MAGI1: variants seen among roughly 807,000 people sequenced by gnomAD.
MAGI1 encodes the protein membrane-associated guanylate kinase, WW and PDZ domain-containing protein 1.
In MAGI1, 58 loss-of-function variants were observed where a neutral mutation model predicts 139.9. The ratio of observed to expected loss-of-function variants is 0.41; its 90% confidence interval spans 0.34 to 0.52. MAGI1 has a LOEUF of 0.52. Ranked by LOEUF, MAGI1 falls within the 20% of genes least tolerant of loss-of-function variation. The pLI, the probability that MAGI1 is intolerant of heterozygous loss-of-function variation, is 0.12. For synonymous variants in MAGI1, 812 were observed against 737.9 expected (o/e 1.10, Z -1.63); for missense variants, 1,874 against 1,901.6 (o/e 0.99, Z 0.27).
chr3:65,867,914 G>T (rs1156433820), intron 1 of MAGI1, among the ~76,000 whole-genome samples: 2 of 152,162 alleles, frequency 1.3e-5, no homozygotes, highest in Non-Finnish European at 2.9e-5. Context: ...CGTCAGGTCT[G>T]AGGAGGATGG....
intron 1 of MAGI1, among the ~76,000 whole-genome samples, chr3:65,779,312 T>G (rs1438932713): frequency 6.6e-6 from 1 of 152,166 alleles, no homozygotes; most frequent in African/African-American, 2.4e-5. Context: ...AATAGAATAT[T>G]CTGGTCTCAA....
At chr3:65,760,924 G>A (rs1168811136) in intron 1 of MAGI1, among the ~76,000 whole-genome samples, 1 of 152,202 alleles carries the variant, frequency 6.6e-6, no homozygotes, top group Non-Finnish European at 1.5e-5. Context: ...ACACTTCTTT[G>A]AAACAAGGGG....
chr3:65,984,041 C>T (rs2065738797), intron 1 of MAGI1, among the ~76,000 whole-genome samples: 1 of 152,170 alleles, frequency 6.6e-6, no homozygotes, highest in African/African-American at 2.4e-5. Flanking sequence ...GCCTGTAATT[C>T]CCAACACTTT....
At chr3:65,730,775 T>C (rs565087791) in intron 1 of MAGI1, among the ~76,000 whole-genome samples, 2 of 152,282 alleles carry the variant, frequency 1.3e-5, no homozygotes, top group East Asian at 1.9e-4. Context: ...AATGAATAAA[T>C]GGTCACTAAA....
chr3:65,603,376 G>A (rs1213381813), intron 2 of MAGI1, among the ~76,000 whole-genome samples: 1 of 152,076 alleles, frequency 6.6e-6, no homozygotes, highest in Non-Finnish European at 1.5e-5. Context: ...GGTCAAAGGG[G>A]ACAATGAAAT....
chr3:65,664,770 T>C (rs1292642898), intron 1 of MAGI1, among the ~76,000 whole-genome samples: 2 of 152,208 alleles, frequency 1.3e-5, no homozygotes, highest in Non-Finnish European at 2.9e-5. Context: ...TGGCCTGTCC[T>C]TCTGTTTCAG....
At chr3:65,407,878 C>T (rs929475678) in intron 12 of MAGI1, among the ~76,000 whole-genome samples, 12 of 152,172 alleles carry the variant, frequency 7.9e-5, no homozygotes, top group Admixed American at 2.0e-4. Flanking sequence ...CTGGCCTTAG[C>T]GCAGTGCTAG....
At chr3:66,022,480 A>G (rs2068017850) in intron 1 of MAGI1, among the ~76,000 whole-genome samples, 1 of 152,228 alleles carries the variant, frequency 6.6e-6, no homozygotes, top group African/African-American at 2.4e-5. Flanking sequence ...AAGAAAAATA[A>G]ATTTATAGGG....
At chr3:65,887,422 G>A (rs1184695788) in intron 1 of MAGI1, among the ~76,000 whole-genome samples, 1 of 150,320 alleles carries the variant, frequency 6.7e-6, no homozygotes, top group Admixed American at 6.6e-5. Flanking sequence ...GGGCAAGAGG[G>A]GGAAATAAGA....
chr3:65,535,412 T>C (rs763482965), intron 2 of MAGI1, among the ~76,000 whole-genome samples: 1 of 152,140 alleles, frequency 6.6e-6, no homozygotes, highest in Non-Finnish European at 1.5e-5. Context: ...CTCCAGTCAA[T>C]AAGCCAGAGA....
At chr3:65,468,947 C>CAATAAGTAAATA (rs1950364638) in intron 5 of MAGI1, among the ~76,000 whole-genome samples, 1 of 134,714 alleles carries the variant, frequency 7.4e-6, no homozygotes, top group South Asian at 2.5e-4. Context: ...GGAAGGGAAA[C>CAATAAGTAAATA]AATAAATAAA....
At chr3:65,611,695 G>A (rs963892410) in intron 2 of MAGI1, among the ~76,000 whole-genome samples, 4 of 136,080 alleles carry the variant, frequency 2.9e-5, no homozygotes, top group Non-Finnish European at 6.5e-5. Flanking sequence ...TCATACATGT[G>A]TATATACAGT....
At chr3:65,490,975 GC>G (rs1281507451) in intron 3 of MAGI1, among the ~76,000 whole-genome samples, 2 of 152,006 alleles carry the variant, frequency 1.3e-5, no homozygotes, top group Non-Finnish European at 1.5e-5. Context: ...TTAGTCCTGT[GC>G]CTAAGAAAAT....
At chr3:65,512,615 G>A (rs2077656348) in intron 2 of MAGI1, among the ~76,000 whole-genome samples, 1 of 152,100 alleles carries the variant, frequency 6.6e-6, no homozygotes, top group African/African-American at 2.4e-5. Flanking sequence ...GGAAGAAGTT[G>A]AATCTCTGAA....
intron 10 of MAGI1, among the ~76,000 whole-genome samples, chr3:65,432,522 C>T (rs1947535678): frequency 6.6e-6 from 1 of 152,192 alleles, no homozygotes; most frequent in Non-Finnish European, 1.5e-5. Flanking sequence ...AAATTGCCTG[C>T]AATCAGAGGT....
At chr3:65,893,097 A>G (rs2060831508) in intron 1 of MAGI1, among the ~76,000 whole-genome samples, 1 of 152,206 alleles carries the variant, frequency 6.6e-6, no homozygotes, top group Non-Finnish European at 1.5e-5. Flanking sequence ...AGAGTATCTA[A>G]GAAGGCTACA....
chr3:65,812,001 T>C (rs1012953854), intron 1 of MAGI1, among the ~76,000 whole-genome samples: 2 of 152,008 alleles, frequency 1.3e-5, no homozygotes, highest in East Asian at 3.9e-4. Flanking sequence ...CACAAAACTA[T>C]TTCTTTTTGC....
At chr3:65,697,000 GAGA>G (rs2089254616) in intron 1 of MAGI1, among the ~76,000 whole-genome samples, 1 of 152,134 alleles carries the variant, frequency 6.6e-6, no homozygotes, top group Non-Finnish European at 1.5e-5. Context: ...GAAGAAAAGA[GAGA>G]AGAATCAAAT....
intron 2 of MAGI1, among the ~76,000 whole-genome samples, chr3:65,583,760 G>A (rs776996174): frequency 6.6e-6 from 1 of 152,108 alleles, no homozygotes; most frequent in African/African-American, 2.4e-5. Flanking sequence ...TCAAAGGAAT[G>A]ATCTAACCAA....
Sources: gnomAD v4.1 joint callset for allele counts (sites outside exome capture counted in the v4.1 genomes callset) on GRCh38, gnomAD v4.1.1 for gene constraint, MANE v1.5 for transcripts, NCBI Gene and HGNC (gene_info 2026-07-23, HGNC 2026-07-21) for gene names.